GRIP1: variants seen among roughly 807,000 people sequenced by gnomAD.
GRIP1 encodes the protein glutamate receptor interacting protein 1, also known as glutamate receptor-interacting protein 1.
In GRIP1, 45 loss-of-function variants were observed where a neutral mutation model predicts 129.9. The ratio of observed to expected loss-of-function variants is 0.35; its 90% confidence interval spans 0.27 to 0.44. The LOEUF (loss-of-function observed/expected upper bound fraction) is 0.44. GRIP1 is among the 20% of genes least tolerant of loss of function. GRIP1 has a pLI of 1.00. For synonymous variants in GRIP1, 530 were observed against 520.8 expected, an observed-to-expected ratio of 1.02 and a Z score of -0.24; for missense variants, 1,196 against 1,396.8, an observed-to-expected ratio of 0.86 and a Z score of 2.29.
intron 1 of GRIP1, among the ~76,000 whole-genome samples, chr12:66,677,452 G>T (rs2034390171): frequency 6.6e-6 from 1 of 152,106 alleles, no homozygotes; most frequent in South Asian, 2.1e-4. Context: ...GAACTTTTCA[G>T]AATAAGGGCC....
intron 1 of GRIP1, among the ~76,000 whole-genome samples, chr12:66,685,186 C>A (rs1162403202): frequency 2.6e-5 from 4 of 152,184 alleles, no homozygotes; most frequent in Non-Finnish European, 1.5e-5. Flanking sequence ...CTGGGCCCCA[C>A]ACATGGGTTC....
intron 19 of GRIP1, among the ~76,000 whole-genome samples, chr12:66,388,030 AAAGG>A (rs1271075398): frequency 2.6e-5 from 4 of 152,172 alleles, no homozygotes; most frequent in African/African-American, 9.6e-5. Flanking sequence ...ATAAAATTTA[AAAGG>A]AACTGAATGA....
chr12:66,463,920 C>T (rs1286465376), intron 8 of GRIP1, among the ~76,000 whole-genome samples: 1 of 152,170 alleles, frequency 6.6e-6, no homozygotes, highest in African/African-American at 2.4e-5. Flanking sequence ...GCATCCTGTG[C>T]CATTGAACTG....
intron 12 of GRIP1, 119 bp downstream of exon 12, chr12:66,445,203 G>A: frequency 1.1e-6 from 1 of 878,054 alleles, no homozygotes; most frequent in Admixed American, 1.8e-5. Context: ...TCAGAAGACA[G>A]TTCATCATAT....
At chr12:66,385,245 G>A (rs1444869603) in intron 19 of GRIP1, among the ~76,000 whole-genome samples, 2 of 152,160 alleles carry the variant, frequency 1.3e-5, no homozygotes, top group African/African-American at 2.4e-5. Flanking sequence ...GGCCAGGCAC[G>A]GTGGCTCAGG....
intron 1 of GRIP1, among the ~76,000 whole-genome samples, chr12:66,674,983 C>T (rs1007351516): frequency 5.3e-5 from 8 of 152,068 alleles, no homozygotes; most frequent in Non-Finnish European, 7.4e-5. Context: ...TGAAGGTCAA[C>T]GGGGCTGCTT....
At chr12:66,562,886 T>TAACA (rs1184196029) in intron 2 of GRIP1, among the ~76,000 whole-genome samples, 1 of 65,314 alleles carries the variant, frequency 1.5e-5, no homozygotes, top group African/African-American at 1.0e-4. Flanking sequence ...TATATTCTTA[T>TAACA]AATAAAAGAG....
chr12:66,472,196 G>A (rs1344741779), intron 7 of GRIP1, among the ~76,000 whole-genome samples: 1 of 152,164 alleles, frequency 6.6e-6, no homozygotes, highest in Admixed American at 6.5e-5. Context: ...GACTTTCTAA[G>A]TTGTCATCCA....
At chr12:66,805,978 C>T (rs55747712), upstream of GRIP1, among the ~76,000 whole-genome samples, 159 of 126,226 alleles carry the variant, frequency 1.3e-3, no homozygotes, top group Non-Finnish European at 1.8e-3. Context: ...TTTTTTTTTT[C>T]TTTTTTTTTT....
Position 66,787,337 on chromosome 12 carries a change from T to C in GRIP1, c.-420+16716A>G, listed in dbSNP as rs1345686743. On this transcript the variant is annotated intron_variant, in intron 1 of 4. Transcript: ENST00000538373. ...GTGGCTTAGCTTTTGCTATTGATTTTAAACAATATTTAGCAAAAATTCTTA... is the reference window on the plus strand; with the variant it reads ...GTGGCTTAGCTTTTGCTATTGATTTCAAACAATATTTAGCAAAAATTCTTA... Among the ~76,000 whole-genome samples, 3 of 151,508 alleles carry C rather than the reference T, an allele frequency of 2.0e-5. No homozygotes were observed. The Admixed American group carries it at 2.0e-4, about 10-fold the overall frequency.
At chr12:66,556,356 T>A (rs1340183193) in intron 2 of GRIP1, among the ~76,000 whole-genome samples, 1 of 151,970 alleles carries the variant, frequency 6.6e-6, no homozygotes, top group African/African-American at 2.4e-5. Flanking sequence ...GAAGGAGAAA[T>A]AAAGACCTTC....
intron 1 of GRIP1, among the ~76,000 whole-genome samples, chr12:66,891,216 T>C (rs1180147457): frequency 6.6e-6 from 1 of 152,146 alleles, no homozygotes; most frequent in Non-Finnish European, 1.5e-5. Flanking sequence ...CCCAACCATT[T>C]TGGAGATAAT....
intron 7 of GRIP1, among the ~76,000 whole-genome samples, chr12:66,471,361 C>A (rs1159648883): frequency 1.3e-5 from 2 of 152,052 alleles, no homozygotes; most frequent in East Asian, 3.9e-4. Context: ...AGTAGAAGTA[C>A]AATTAGTAGT....
intron 19 of GRIP1, among the ~76,000 whole-genome samples, chr12:66,381,235 G>C (rs761806120): frequency 6.6e-6 from 1 of 152,210 alleles, no homozygotes; most frequent in Non-Finnish European, 1.5e-5. Flanking sequence ...AATATTTACA[G>C]TTCAATGTCT....
intron 1 of GRIP1, among the ~76,000 whole-genome samples, chr12:66,961,759 T>A (rs1240998981): frequency 1.3e-5 from 2 of 152,162 alleles, no homozygotes; most frequent in Non-Finnish European, 2.9e-5. Context: ...CTAAGCTCCA[T>A]GAGGGCAAGT....
Position 66,962,242 on chromosome 12 carries a change from C to T in GRIP1, c.58+106808G>A, listed in dbSNP as rs576748150. On this transcript the variant is annotated intron_variant, in intron 1 of 1. Transcript: ENST00000643019. ...ATAATAAGAGGAAATCTTCAGGAGA[C>T]GGAAGTTTTTGAAATGGATGGAAAC... Among the ~76,000 whole-genome samples the T allele has an allele frequency of 1.1e-4, 16 of 152,100 alleles. 1 individual carries two copies. Among genetic ancestry groups the T allele is most frequent in the Admixed American group, 2.0e-4 (3 of 15,270 alleles).
intron 23 of GRIP1, 70 bp downstream of exon 23, chr12:66,371,624 T>G (rs763433182): frequency 1.0e-4 from 96 of 954,130 alleles, no homozygotes; most frequent in Non-Finnish European, 1.5e-4. Flanking sequence ...CATGCTTACA[T>G]CTCGGCGTAC....
chr12:66,970,476 G>C (rs1471514521), intron 1 of GRIP1, among the ~76,000 whole-genome samples: 2 of 151,070 alleles, frequency 1.3e-5, no homozygotes, highest in African/African-American at 4.9e-5. Context: ...ATCTGTCTAA[G>C]ATTGGGTTGT....
chr12:66,723,610 G>C lies in GRIP1; in HGVS notation c.-420+80443C>G, dbSNP rs143233290. ...TCACAGGCATGAGCCACCACGCCTG[G>C]CCTCATTTTCTTTTTGGCTTGAGAA... On this transcript the variant is annotated intron_variant, in intron 1 of 4. Transcript: ENST00000538373. Among the ~76,000 whole-genome samples, 480 of 152,068 alleles carry C rather than the reference G, an allele frequency of 3.2e-3. 2 individuals are homozygous for C. The highest frequency in any genetic ancestry group is 0.011 in the African/African-American group (450 of 41,458).
Sources: gnomAD v4.1 joint callset for allele counts (sites outside exome capture counted in the v4.1 genomes callset) on GRCh38, gnomAD v4.1.1 for gene constraint, MANE v1.5 for transcripts, NCBI Gene and HGNC (gene_info 2026-07-23, HGNC 2026-07-21) for gene names.